The following MACROD2 variants were observed in gnomAD, a reference collection of about 807,000 sequenced individuals.
MACROD2 encodes the protein mono-ADP ribosylhydrolase 2.
A neutral mutation model predicts 70.4 loss-of-function variants in MACROD2; 36 were observed. The observed-to-expected ratio is 0.51, with a 90% CI of 0.39 to 0.68. MACROD2 has a LOEUF of 0.68. Among genes scored for constraint, MACROD2 ranks in the 30% least tolerant of loss-of-function variants. The probability of loss-of-function intolerance (pLI) is 0.00; values close to 1 mark genes in which losing one functional copy is unlikely to be tolerated. For missense variants in MACROD2, 496 were observed against 538.4 expected (o/e 0.92, Z 0.78); for synonymous variants, 172 against 178.8 (o/e 0.96, Z 0.30).
intron 12 of MACROD2, among the ~76,000 whole-genome samples, chr20:15,939,517 C>CA (rs915656418): frequency 6.6e-5 from 10 of 151,402 alleles, no homozygotes; most frequent in South Asian, 2.1e-4. Flanking sequence ...ACCTACTGCT[C>CA]AAAAAAAATG....
At chr20:16,031,347 G>T (rs879881832) in intron 15 of MACROD2, among the ~76,000 whole-genome samples, 2 of 152,152 alleles carry the variant, frequency 1.3e-5, no homozygotes, top group Admixed American at 6.5e-5. Context: ...AGATTGCGGA[G>T]AAATCATTAT....
chr20:14,981,617 A>G (rs2074801836), intron 5 of MACROD2, among the ~76,000 whole-genome samples: 1 of 151,998 alleles, frequency 6.6e-6, no homozygotes, highest in Non-Finnish European at 1.5e-5. Context: ...GTGATAGTGA[A>G]TAAGTCTTGC....
chr20:15,222,752 A>G (rs2076872720), intron 5 of MACROD2, among the ~76,000 whole-genome samples: 1 of 152,198 alleles, frequency 6.6e-6, no homozygotes, highest in Non-Finnish European at 1.5e-5. Context: ...TTGCTTCTCA[A>G]ATGGAAAATG....
chr20:14,684,758 T>C, intron 4 of MACROD2, 85 bp from the exon 5 acceptor site: 1 of 1,025,536 alleles, frequency 9.8e-7, no homozygotes, highest in Non-Finnish European at 1.5e-6. Flanking sequence ...GAAGAACAAA[T>C]TGAGTTCTCT....
intron 5 of MACROD2, among the ~76,000 whole-genome samples, chr20:14,808,252 A>C (rs2072664600): frequency 6.6e-6 from 1 of 152,144 alleles, no homozygotes; most frequent in Admixed American, 6.6e-5. Flanking sequence ...GAAACTCTAC[A>C]ATACAGAAGA....
At chr20:15,132,800 T>A (rs961238775) in intron 5 of MACROD2, among the ~76,000 whole-genome samples, 12 of 150,820 alleles carry the variant, frequency 8.0e-5, no homozygotes, top group Admixed American at 5.3e-4. Flanking sequence ...AGGGATGAAC[T>A]AACTTTATCA....
chr20:14,933,434 C>T (rs1300969962), intron 5 of MACROD2, among the ~76,000 whole-genome samples: 1 of 151,998 alleles, frequency 6.6e-6, no homozygotes, highest in African/African-American at 2.4e-5. Context: ...AATCCCAGCA[C>T]TTTGGGAAGC....
At chr20:15,048,462 G>A (rs144247724) in intron 5 of MACROD2, among the ~76,000 whole-genome samples, 2 of 141,616 alleles carry the variant, frequency 1.4e-5, no homozygotes, top group East Asian at 3.9e-4. Flanking sequence ...TTACTTTTCT[G>A]TAAAAAAAAA....
intron 2 of MACROD2, among the ~76,000 whole-genome samples, chr20:14,057,831 T>C (rs1330891419): frequency 1.3e-5 from 2 of 152,162 alleles, no homozygotes; most frequent in South Asian, 2.1e-4. Context: ...TGTATAGTAA[T>C]GCGTACAGCA....
intron 8 of MACROD2, among the ~76,000 whole-genome samples, chr20:15,789,426 A>C (rs1196194009): frequency 3.3e-5 from 5 of 152,142 alleles, no homozygotes; most frequent in Non-Finnish European, 7.4e-5. Flanking sequence ...TGTTTGAAAT[A>C]ATATTCAGCC....
At chr20:14,006,737 A>T (rs544748948) in intron 2 of MACROD2, among the ~76,000 whole-genome samples, 1 of 151,614 alleles carries the variant, frequency 6.6e-6, no homozygotes, top group African/African-American at 2.4e-5. Flanking sequence ...TTCCTCCCTT[A>T]TAATTTATTT....
intron 2 of MACROD2, among the ~76,000 whole-genome samples, chr20:14,058,811 T>A (rs995095532): frequency 6.6e-6 from 1 of 151,962 alleles, no homozygotes. Flanking sequence ...ACCCAGCTAA[T>A]TTTTGTATTT....
intron 5 of MACROD2, among the ~76,000 whole-genome samples, chr20:15,212,692 A>G (rs143696585): frequency 0.011 from 1,666 of 152,320 alleles, 12 homozygotes; most frequent in South Asian, 0.017. Flanking sequence ...TTGGGTGCCA[A>G]GCTGACACTC....
chr20:14,383,090 T>C (rs2122778517), intron 3 of MACROD2, among the ~76,000 whole-genome samples: 1 of 152,278 alleles, frequency 6.6e-6, no homozygotes, highest in East Asian at 1.9e-4. Flanking sequence ...ATGTAAGAAT[T>C]GGAGGGAAAA....
chr20:15,661,857 T>G (rs2049826090), intron 8 of MACROD2, among the ~76,000 whole-genome samples: 1 of 152,190 alleles, frequency 6.6e-6, no homozygotes, highest in African/African-American at 2.4e-5. Flanking sequence ...GGTAAAATAA[T>G]GCATCCCACA....
chr20:15,189,224 CA>C (rs1266264079), intron 5 of MACROD2, among the ~76,000 whole-genome samples: 1 of 151,366 alleles, frequency 6.6e-6, no homozygotes, highest in Non-Finnish European at 1.5e-5. Context: ...CTACCATGAA[CA>C]GGGCAGAAAC....
chr20:15,986,958 C>A (rs1327715753), intron 14 of MACROD2, 108 bp from the exon 15 acceptor site: 4 of 1,169,534 alleles, frequency 3.4e-6, no homozygotes, highest in Admixed American at 2.2e-5. Context: ...CCTATTGAAA[C>A]TTGAAGGGGG....
intron 4 of MACROD2, among the ~76,000 whole-genome samples, chr20:14,549,932 CTT>C (rs572493726): frequency 3.5e-5 from 5 of 143,420 alleles, no homozygotes; most frequent in Non-Finnish European, 6.1e-5. Context: ...TGAATTACAC[CTT>C]TTTTTTTTTT....
chr20:15,062,118 T>C (rs2075537425), intron 5 of MACROD2, among the ~76,000 whole-genome samples: 1 of 151,818 alleles, frequency 6.6e-6, no homozygotes, highest in Non-Finnish European at 1.5e-5. Flanking sequence ...AATGGGGGAG[T>C]GCTTCTAGTG....
Sources: gnomAD v4.1 joint callset for allele counts (sites outside exome capture counted in the v4.1 genomes callset) on GRCh38, gnomAD v4.1.1 for gene constraint, MANE v1.5 for transcripts, NCBI Gene and HGNC (gene_info 2026-07-23, HGNC 2026-07-21) for gene names.